The following NEK1 variants were observed in gnomAD, a reference collection of about 807,000 sequenced individuals.
The protein encoded by NEK1 is serine/threonine-protein kinase Nek1.
Under a neutral mutation model 182.1 loss-of-function variants are expected in NEK1, and 137 were observed. The observed-to-expected ratio is 0.75, with a 90% CI of 0.65 to 0.87. The LOEUF is 0.87. NEK1 is among the 40% of genes least tolerant of loss of function. NEK1 has a pLI of 0.00. For synonymous variants in NEK1, 513 were observed against 492.2 expected (o/e 1.04, Z -0.56); for missense variants, 1,391 against 1,494.4 (o/e 0.93, Z 1.14).
At position 169,438,235 on chromosome 4, in the gene NEK1, T is replaced by C. The variant is rs1738790385; in HGVS notation, c.2612A>G (p.Tyr871Cys). 1.0e-5 allele frequency: 16 copies of C among 1,553,014 alleles called. No individual in the cohort carries two copies. Among genetic ancestry groups the C allele is most frequent in the Non-Finnish European group, 1.3e-5 (15 of 1,148,304 alleles). ...TTTTTCTCCAGTAATTAAGGGTTTGTACTTTTCCCCTTCGGGAGAAATCTC... is the reference window on the plus strand; with the variant it reads ...TTTTTCTCCAGTAATTAAGGGTTTGCACTTTTCCCCTTCGGGAGAAATCTC... ...RSEISPEGEKYKPLITGEKKV... is the reference protein window; with the variant it reads ...RSEISPEGEKCKPLITGEKKV... The change falls in exon 28 of 36, where the codon TAC becomes TGC. Residue 871 changes from tyrosine to cysteine, a missense_variant. Tyr to Cys is a radical substitution (Grantham distance 194). Transcript: ENST00000507142.
chr4:169,600,987 C>CA (rs1303596472), intron 4 of NEK1, among the ~76,000 whole-genome samples: 4 of 151,558 alleles, frequency 2.6e-5, no homozygotes, highest in African/African-American at 4.8e-5. Context: ...TTAACAACAA[C>CA]AAAAAAAGAA....
intron 20 of NEK1, 114 bp downstream of exon 20, chr4:169,508,655 A>C (rs1753702693): frequency 1.3e-6 from 1 of 790,564 alleles, no homozygotes; most frequent in Non-Finnish European, 1.9e-6. Context: ...ACAGGTCCCT[A>C]CAGACCTACA....
intron 30 of NEK1, among the ~76,000 whole-genome samples, chr4:169,425,570 G>A (rs1414447613): frequency 6.6e-6 from 1 of 151,858 alleles, no homozygotes; most frequent in Non-Finnish European, 1.5e-5. Context: ...TTCTTTTTAA[G>A]AAATAGGTCT....
rs774548477 is a variant in NEK1 at position 169,426,204 on chromosome 4, AT to A, written c.2915del (p.Asn972MetfsTer20). On this transcript the variant is annotated frameshift_variant, in exon 30 of 36. Coordinates refer to ENST00000507142, the MANE Select transcript of NEK1 (RefSeq NM_001199397.3). LOFTEE classifies it high-confidence loss of function. ...QSADRITIQENEVSEDGVSST... is the reference protein window; with the variant it reads ...QSADRITIQEXEVSEDGVSST... ...TCGAGACTCCATCTTCAGAAACTTC[AT>A]TTTCCTGAATGGTGATCCTATCTGC... The A allele has an allele frequency of 1.2e-6, 2 of 1,613,600 alleles. No homozygotes were observed. Among genetic ancestry groups the A allele is most frequent in the African/African-American group, 2.7e-5 (2 of 75,016 alleles).
chr4:169,583,114 A>T (rs575877764), intron 10 of NEK1, among the ~76,000 whole-genome samples: 8 of 152,080 alleles, frequency 5.3e-5, no homozygotes, highest in Non-Finnish European at 1.0e-4. Context: ...AAGCTCATGA[A>T]TTGTTTCAAA....
At chr4:169,441,300 C>T (rs1579641900) in intron 27 of NEK1, among the ~76,000 whole-genome samples, 2 of 152,340 alleles carry the variant, frequency 1.3e-5, no homozygotes, top group Admixed American at 6.5e-5. Flanking sequence ...GGGTGCCATC[C>T]TAGAGCCTGA....
intron 23 of NEK1, among the ~76,000 whole-genome samples, chr4:169,501,797 T>C (rs908194530): frequency 2.6e-5 from 4 of 151,904 alleles, no homozygotes; most frequent in African/African-American, 4.8e-5. Flanking sequence ...ACAAAAATAA[T>C]AGAAAGATCT....
At chr4:169,527,813 T>A (rs1369990573) in intron 19 of NEK1, among the ~76,000 whole-genome samples, 1 of 152,062 alleles carries the variant, frequency 6.6e-6, no homozygotes, top group African/African-American at 2.4e-5. Flanking sequence ...TCCTAACATA[T>A]CAATAATTAC....
chr4:169,546,053 C>T (rs1760378435), intron 18 of NEK1, among the ~76,000 whole-genome samples: 1 of 152,182 alleles, frequency 6.6e-6, no homozygotes, highest in Non-Finnish European at 1.5e-5. Flanking sequence ...ACTTTCTTCT[C>T]TGATTCTTCT....
chr4:169,546,877 T>G (rs1760560998), intron 18 of NEK1, among the ~76,000 whole-genome samples: 1 of 152,240 alleles, frequency 6.6e-6, no homozygotes, highest in South Asian at 2.1e-4. Context: ...TCTTTGCACA[T>G]GAGATGGGTC....
In NEK1 at chr4:169,535,556, G is replaced by A. The variant is rs190868073; in HGVS notation, c.1665+2253C>T. Among the ~76,000 whole-genome samples the A allele has an allele frequency of 2.1e-3, 321 of 152,018 alleles. 2 individuals carry two copies. The highest frequency in any genetic ancestry group is 2.7e-3 in the Non-Finnish European group (183 of 67,958). On this transcript the variant is annotated intron_variant, in intron 19 of 35. Coordinates refer to ENST00000507142, the MANE Select transcript of NEK1 (RefSeq NM_001199397.3). Reference sequence around the variant, plus strand: ...ATGTGTACCAGAGACCTAGAAGAGGGAGAGAGGCAAACAGAAAAACATTTT... The same window carrying A: ...ATGTGTACCAGAGACCTAGAAGAGGAAGAGAGGCAAACAGAAAAACATTTT...
intron 23 of NEK1, among the ~76,000 whole-genome samples, chr4:169,486,765 A>G (rs1330089014): frequency 6.6e-6 from 1 of 152,224 alleles, no homozygotes; most frequent in Admixed American, 6.5e-5. Flanking sequence ...GGGGAGCCTT[A>G]CAGGCGTGCA....
At chr4:169,447,155 CA>C (rs1016020559) in intron 27 of NEK1, among the ~76,000 whole-genome samples, 1 of 152,136 alleles carries the variant, frequency 6.6e-6, no homozygotes, top group African/African-American at 2.4e-5. Flanking sequence ...AATCAAACTC[CA>C]AAAGGTCAAA....
chr4:169,393,973 A>C lies in NEK1; in HGVS notation c.*537T>G, dbSNP rs1194523176. 6.6e-6 allele frequency: 1 copy of C among 152,310 alleles called. No homozygotes were observed. Among genetic ancestry groups the C allele is most frequent in the Non-Finnish European group, 1.5e-5 (1 of 68,106 alleles). 9.4% of individuals were successfully genotyped at this position (152,310 alleles called of 1,614,324 possible). ...GACACACTGATTGTAAAAGGACTTG[A>C]GAATATAAACTTTAAGGCTAAAAAT... On this transcript the variant is annotated 3_prime_UTR_variant, in exon 36 of 36. Coordinates refer to ENST00000507142, the MANE Select transcript of NEK1 (RefSeq NM_001199397.3).
At chr4:169,582,874 T>A (rs929307718) in intron 10 of NEK1, among the ~76,000 whole-genome samples, 2 of 152,126 alleles carry the variant, frequency 1.3e-5, no homozygotes, top group African/African-American at 4.8e-5. Context: ...AATGCAGATA[T>A]AGAACATTTT....
chr4:169,410,166 A>G (rs1202506378), intron 31 of NEK1, among the ~76,000 whole-genome samples: 1 of 152,168 alleles, frequency 6.6e-6, no homozygotes, highest in Non-Finnish European at 1.5e-5. Context: ...CTCATCTATA[A>G]CACACTGGCT....
intron 23 of NEK1, among the ~76,000 whole-genome samples, chr4:169,480,236 TTGAG>T (rs1747729320): frequency 6.6e-6 from 1 of 152,158 alleles, no homozygotes; most frequent in South Asian, 2.1e-4. Context: ...ACAATATTTA[TTGAG>T]TATCTTCTAA....
intron 32 of NEK1, among the ~76,000 whole-genome samples, chr4:169,403,023 G>C (rs1369580705): frequency 1.3e-5 from 2 of 152,086 alleles, no homozygotes; most frequent in East Asian, 3.8e-4. Context: ...TAAAAGTTTA[G>C]ACTCCAATCA....
At chr4:169,476,685 T>C (rs1747006977) in intron 26 of NEK1, among the ~76,000 whole-genome samples, 2 of 152,106 alleles carry the variant, frequency 1.3e-5, no homozygotes, top group Admixed American at 6.6e-5. Flanking sequence ...GTAAGAAATA[T>C]AGATTCTCAG....
Sources: allele counts gnomAD v4.1 joint callset (sites outside exome capture counted in the v4.1 genomes callset), GRCh38; gene constraint gnomAD v4.1.1; transcripts MANE v1.5; gene names NCBI Gene and HGNC (gene_info 2026-07-23, HGNC 2026-07-21).